The following COG5 variants were observed in gnomAD, a reference collection of about 807,000 sequenced individuals.
COG5 encodes conserved oligomeric Golgi complex subunit 5.
Under a neutral mutation model 110.4 loss-of-function variants are expected in COG5, and 86 were observed. The ratio of observed to expected loss-of-function variants is 0.78; its 90% confidence interval spans 0.65 to 0.93. The LOEUF (loss-of-function observed/expected upper bound fraction) is 0.93. COG5 is among the 40% of genes least tolerant of loss of function. COG5 has a pLI of 0.00. For synonymous variants in COG5, 360 were observed against 334.6 expected, an observed-to-expected ratio of 1.08 and a Z score of -0.83; for missense variants, 1,077 against 987.0, an observed-to-expected ratio of 1.09 and a Z score of -1.22.
At chr7:107,413,731 A>AATG (rs569806884) in intron 6 of COG5, among the ~76,000 whole-genome samples, 243 of 152,256 alleles carry the variant, frequency 1.6e-3, no homozygotes, top group African/African-American at 5.6e-3. Context: ...CCAAGAACAA[A>AATG]ATGATGATGA....
At chr7:107,437,646 C>A (rs1387433334) in intron 6 of COG5, among the ~76,000 whole-genome samples, 4 of 152,230 alleles carry the variant, frequency 2.6e-5, no homozygotes, top group South Asian at 4.2e-4. Flanking sequence ...ATACATTTCA[C>A]ATGTCTATTT....
chr7:107,472,323 C>T (rs1796682383), intron 6 of COG5: 1 of 151,746 alleles, frequency 6.6e-6, no homozygotes, highest in Non-Finnish European at 1.5e-5. Flanking sequence ...ATGTCAAAAT[C>T]TGTCAATGAT....
intron 7 of COG5, among the ~76,000 whole-genome samples, chr7:107,405,866 T>G (rs1171610128): frequency 6.6e-6 from 1 of 152,188 alleles, no homozygotes; most frequent in African/African-American, 2.4e-5. Flanking sequence ...CCTTTGCTCC[T>G]TCTACCACAT....
chr7:107,492,735 T>C (rs1239916314), intron 6 of COG5, among the ~76,000 whole-genome samples: 1 of 152,176 alleles, frequency 6.6e-6, no homozygotes, highest in Non-Finnish European at 1.5e-5. Context: ...CTCTTCTGCC[T>C]TCATCTTCCA....
chr7:107,364,103 C>T (rs900138843), intron 8 of COG5, among the ~76,000 whole-genome samples: 1 of 152,164 alleles, frequency 6.6e-6, no homozygotes, highest in African/African-American at 2.4e-5. Flanking sequence ...TCTAATTTAG[C>T]ATCAGCAATA....
At chr7:107,282,302 T>C (rs572627657) in intron 13 of COG5, among the ~76,000 whole-genome samples, 4 of 152,198 alleles carry the variant, frequency 2.6e-5, no homozygotes, top group African/African-American at 7.2e-5. Flanking sequence ...GTAGATTATA[T>C]TTGATTATAG....
At chr7:107,373,004 C>A (rs1814318449) in intron 7 of COG5, among the ~76,000 whole-genome samples, 1 of 151,992 alleles carries the variant, frequency 6.6e-6, no homozygotes, top group African/African-American at 2.4e-5. Flanking sequence ...TTTTGTCCTC[C>A]TTTAAAAAAT....
chr7:107,228,989 G>A (rs1253697312), intron 19 of COG5, among the ~76,000 whole-genome samples: 4 of 152,208 alleles, frequency 2.6e-5, no homozygotes, highest in Non-Finnish European at 4.4e-5. Flanking sequence ...TTTTTAGAAA[G>A]CTGCATACCT....
intron 6 of COG5, among the ~76,000 whole-genome samples, chr7:107,502,294 T>C (rs1263998903): frequency 2.6e-5 from 4 of 152,100 alleles, no homozygotes; most frequent in Non-Finnish European, 5.9e-5. Flanking sequence ...TTATCTCACT[T>C]AGAATAATGG....
chr7:107,249,876 TAAA>T (rs1195169121), intron 16 of COG5, among the ~76,000 whole-genome samples: 2 of 151,980 alleles, frequency 1.3e-5, no homozygotes, highest in African/African-American at 4.8e-5. Flanking sequence ...ATGTTGACAC[TAAA>T]AAAGTTTCGG....
chr7:107,490,215 A>T (rs949351890), intron 6 of COG5, among the ~76,000 whole-genome samples: 41 of 152,012 alleles, frequency 2.7e-4, no homozygotes, highest in African/African-American at 9.7e-4. Flanking sequence ...TCCTCCTCCA[A>T]GATAGGGTCT....
intron 6 of COG5, among the ~76,000 whole-genome samples, chr7:107,526,722 T>C (rs912631534): frequency 1.3e-5 from 2 of 152,166 alleles, no homozygotes; most frequent in Admixed American, 1.3e-4. Flanking sequence ...TAACAAACTA[T>C]TAGTACACCC....
intron 5 of COG5, among the ~76,000 whole-genome samples, chr7:107,538,040 G>C (rs567659415): frequency 6.6e-6 from 1 of 152,258 alleles, no homozygotes; most frequent in South Asian, 2.1e-4. Flanking sequence ...TCGAGCTACA[G>C]ACATAGATAA....
intron 6 of COG5, among the ~76,000 whole-genome samples, chr7:107,455,423 G>A (rs1273071820): frequency 6.6e-6 from 1 of 152,148 alleles, no homozygotes; most frequent in Non-Finnish European, 1.5e-5. Context: ...TTGCAATAAA[G>A]TAAAAAGTAA....
intron 6 of COG5, among the ~76,000 whole-genome samples, chr7:107,458,622 A>C (rs1047208584): frequency 6.6e-6 from 1 of 152,208 alleles, no homozygotes; most frequent in Admixed American, 6.5e-5. Flanking sequence ...TGGGAGGCCA[A>C]CACAGAAGGA....
intron 1 of COG5, among the ~76,000 whole-genome samples, chr7:107,559,321 C>G (rs1276347064): frequency 1.3e-5 from 2 of 151,868 alleles, no homozygotes; most frequent in African/African-American, 4.8e-5. Context: ...AAATAGATAC[C>G]CAGAAGGGAG....
chr7:107,346,665 G>T (rs1349498976), intron 10 of COG5, among the ~76,000 whole-genome samples: 1 of 151,924 alleles, frequency 6.6e-6, no homozygotes, highest in African/African-American at 2.4e-5. Flanking sequence ...CTCACTGCAG[G>T]TTTTCTAACA....
chr7:107,515,205 T>A (rs1799829918), intron 6 of COG5, among the ~76,000 whole-genome samples: 2 of 152,120 alleles, frequency 1.3e-5, no homozygotes, highest in South Asian at 4.1e-4. Context: ...ATTTGTAGGA[T>A]AAGTCAAAAA....
At chr7:107,302,168 A>G (rs1483004673) in intron 11 of COG5, among the ~76,000 whole-genome samples, 1 of 152,206 alleles carries the variant, frequency 6.6e-6, no homozygotes, top group Admixed American at 6.5e-5. Flanking sequence ...AAACAAACTA[A>G]TATATCCATG....
Sources: gnomAD v4.1 joint callset for allele counts (sites outside exome capture counted in the v4.1 genomes callset) on GRCh38, gnomAD v4.1.1 for gene constraint, MANE v1.5 for transcripts, NCBI Gene and HGNC (gene_info 2026-07-23, HGNC 2026-07-21) for gene names.